The following EIF3I variants were observed in gnomAD, a reference collection of about 807,000 sequenced individuals.
The protein encoded by EIF3I is eukaryotic translation initiation factor 3 subunit I.
Under a neutral mutation model 43.3 loss-of-function variants are expected in EIF3I, and 20 were observed. The observed-to-expected ratio is 0.46, with a 90% CI of 0.32 to 0.67. The LOEUF (loss-of-function observed/expected upper bound fraction) is 0.67, where lower values mean the gene tolerates loss of function less well. Among genes scored for constraint, EIF3I ranks in the 30% least tolerant of loss-of-function variants. The pLI is 0.03. For synonymous variants in EIF3I, 167 were observed against 151.7 expected (o/e 1.10, Z -0.74); for missense variants, 279 against 421.4 (o/e 0.66, Z 2.96).
At chr1:32,231,261 C>A in exon 12 of EIF3I, 1 of 1,459,746 alleles carries the variant, frequency 6.9e-7, no homozygotes, top group Non-Finnish European at 9.5e-7. Flanking sequence ...TTTTTTAAGG[C>A]AGGCGGATCA....
intron 11 of EIF3I, 21 bp from the exon 11 acceptor site, chr1:32,231,094 T>C: frequency 1.2e-6 from 2 of 1,613,718 alleles, no homozygotes; most frequent in Non-Finnish European, 1.7e-6. Context: ...ACCTGACTGG[T>C]GCCTGGCTAT....
downstream of EIF3I, chr1:32,235,237 GAC>G (rs1454236799): frequency 6.6e-6 from 1 of 152,242 alleles, no homozygotes; most frequent in Non-Finnish European, 1.5e-5. Context: ...TGATAAAAGG[GAC>G]ACAGAGCCCT....
intron 4 of EIF3I, among the ~76,000 whole-genome samples, chr1:32,225,745 G>T (rs900676471): frequency 6.8e-6 from 1 of 147,506 alleles, no homozygotes; most frequent in Non-Finnish European, 1.5e-5. Context: ...AAAAAAGGCC[G>T]GGCGCGGTGG....
intron 2 of EIF3I, 114 bp from the exon 3 acceptor site, chr1:32,223,920 A>G (rs16834931): frequency 0.11 from 94,653 of 885,084 alleles, 7,829 homozygotes; most frequent in African/African-American, 0.28. Context: ...CCCAAGAAAT[A>G]AACAGAAGAG....
chr1:32,233,483 G>A (rs1452210680), downstream of EIF3I, among the ~76,000 whole-genome samples: 1 of 151,958 alleles, frequency 6.6e-6, no homozygotes, highest in Non-Finnish European at 1.5e-5. Flanking sequence ...TAGAGATGGG[G>A]TTTTACCATG....
downstream of EIF3I, chr1:32,235,197 G>C (rs1042938673): frequency 6.6e-6 from 1 of 152,370 alleles, no homozygotes; most frequent in Non-Finnish European, 1.5e-5. Context: ...GACCAATGAG[G>C]GAGACACAGA....
chr1:32,233,690 G>C (rs1639267478), downstream of EIF3I, among the ~76,000 whole-genome samples: 1 of 152,206 alleles, frequency 6.6e-6, no homozygotes, highest in Non-Finnish European at 1.5e-5. Flanking sequence ...ACTGGAATTT[G>C]AGCCCAAATG....
chr1:32,227,809 C>G (rs1163782924), intron 6 of EIF3I, among the ~76,000 whole-genome samples: 1 of 152,178 alleles, frequency 6.6e-6, no homozygotes, highest in Non-Finnish European at 1.5e-5. Context: ...TGAGCATTTC[C>G]TTGCCACCAC....
chr1:32,223,990 G>A, intron 2 of EIF3I, 44 bp from the exon 3 acceptor site: 1 of 1,589,974 alleles, frequency 6.3e-7, no homozygotes, highest in Non-Finnish European at 8.6e-7. Flanking sequence ...GGAAGCCATT[G>A]CTCTTACTGG....
intron 4 of EIF3I, among the ~76,000 whole-genome samples, 183 bp downstream of exon 4, chr1:32,224,658 CTTTTTTTTT>C (rs58586351): frequency 7.3e-6 from 1 of 136,338 alleles, no homozygotes; most frequent in South Asian, 2.3e-4. Flanking sequence ...ATTAAGTTTT[CTTTTTTTTT>C]TTTTTTTTCT....
In EIF3I at chr1:32,228,130, C is replaced by T. The variant is rs141212380; in HGVS notation, c.529-369C>T. The stretch of plus-strand genomic sequence containing the variant: ...AAGAAAGTATGGAGTCTTCAGAAAC[C>T]CTTGGGGTGTGGTCTTGGGGACAGA... On this transcript the variant is annotated intron_variant, in intron 6 of 11. Transcript: ENST00000676679. Among the ~76,000 whole-genome samples, 238 of 152,298 alleles carry T rather than the reference C, an allele frequency of 1.6e-3. 1 individual carries two copies. Among genetic ancestry groups the T allele is most frequent in the African/African-American group, 5.4e-3 (223 of 41,558 alleles).
intron 6 of EIF3I, 83 bp downstream of exon 6, chr1:32,226,613 C>T: frequency 7.4e-7 from 1 of 1,343,842 alleles, no homozygotes; most frequent in Non-Finnish European, 9.6e-7. Context: ...GTTGCCCAGG[C>T]TGGAGTGCAG....
intron 2 of EIF3I, among the ~76,000 whole-genome samples, chr1:32,223,154 G>T (rs529502048): frequency 1.3e-5 from 2 of 152,206 alleles, no homozygotes; most frequent in East Asian, 3.8e-4. Flanking sequence ...ACCAGGATAG[G>T]TGCAGGCTGT....
At chr1:32,229,811 A>G (rs1357336601) in intron 9 of EIF3I, among the ~76,000 whole-genome samples, 1 of 152,004 alleles carries the variant, frequency 6.6e-6, no homozygotes, top group Non-Finnish European at 1.5e-5. Flanking sequence ...TTGGCCTTCC[A>G]GAGTGCTGGG....
At chr1:32,226,111 C>A (rs1639141674) in intron 4 of EIF3I, 60 bp from the exon 5 acceptor site, 2 of 1,584,892 alleles carry the variant, frequency 1.3e-6, no homozygotes, top group Non-Finnish European at 1.7e-6. Flanking sequence ...GTAGCATTCT[C>A]TAGAATGTCC....
intron 4 of EIF3I, among the ~76,000 whole-genome samples, chr1:32,224,931 T>G (rs1185860410): frequency 2.0e-5 from 3 of 152,096 alleles, no homozygotes; most frequent in Non-Finnish European, 4.4e-5. Context: ...CCTCCCAGGT[T>G]CAAGTGATTC....
rs1297237521 is a variant in EIF3I at position 32,226,649 on chromosome 1, CTCCACCTCCCTGGTTCAAGCAAT to C, written c.528+123_528+145del. On this transcript the variant is annotated intron_variant, in intron 6 of 11. Transcript: ENST00000676679. ...TGGCGCCATCTCGGCTCACTGCGAC[CTCCACCTCCCTGGTTCAAGCAAT>C]TCCCCTGCCTTAGCCTCCCGAGTAG... 9 of 1,096,856 alleles carry C rather than the reference CTCCACCTCCCTGGTTCAAGCAAT, an allele frequency of 8.2e-6. No individual in the cohort carries two copies. In the African/African-American group the frequency reaches 9.8e-5, roughly 12 times the overall value. The allele number at this position is 1,096,856 out of a possible 1,614,324, so 67.9% of individuals were successfully genotyped here. A position where few individuals can be genotyped will look rare whatever the true frequency, so the allele number is the denominator to read the frequency against.
downstream of EIF3I, among the ~76,000 whole-genome samples, chr1:32,232,833 CTG>C (rs1639258091): frequency 6.6e-6 from 1 of 152,092 alleles, no homozygotes; most frequent in South Asian, 2.1e-4. Flanking sequence ...TAGAGGAAGA[CTG>C]AGCAACAGAA....
At chr1:32,225,410 A>C (rs566801621) in intron 4 of EIF3I, among the ~76,000 whole-genome samples, 1 of 152,302 alleles carries the variant, frequency 6.6e-6, no homozygotes, top group South Asian at 2.1e-4. Flanking sequence ...GAGTAGTGCC[A>C]CATTAGCAGG....
Sources: allele counts gnomAD v4.1 joint callset (sites outside exome capture counted in the v4.1 genomes callset), GRCh38; gene constraint gnomAD v4.1.1; transcripts MANE v1.5; gene names NCBI Gene and HGNC (gene_info 2026-07-23, HGNC 2026-07-21).